The following TMTC2 variants were observed in gnomAD, a reference collection of about 807,000 sequenced individuals.
TMTC2 encodes protein O-mannosyl-transferase TMTC2.
TMTC2 carries 43 observed loss-of-function variants against 82.4 expected under a neutral mutation model. That is an observed-to-expected ratio of 0.52 (90% CI 0.41 to 0.67). TMTC2 has a LOEUF of 0.67. Among genes scored for constraint, TMTC2 ranks in the 30% least tolerant of loss-of-function variants. The pLI is 0.00. For synonymous variants in TMTC2, 408 were observed against 381.9 expected (o/e 1.07, Z -0.80); for missense variants, 919 against 1,012.4 (o/e 0.91, Z 1.25).
At chr12:82,898,771 G>A (rs1873809302) in intron 3 of TMTC2, among the ~76,000 whole-genome samples, 2 of 152,296 alleles carry the variant, frequency 1.3e-5, no homozygotes, top group Admixed American at 1.3e-4. Context: ...CTTGTTCACA[G>A]ACCACTGGGC....
intron 1 of TMTC2, among the ~76,000 whole-genome samples, chr12:82,791,627 TA>T (rs1161561882): frequency 6.6e-6 from 1 of 152,164 alleles, no homozygotes; most frequent in Non-Finnish European, 1.5e-5. Context: ...CTTTTCTACT[TA>T]AAAACCTCTG....
chr12:83,034,516 C>T (rs1881585204), intron 9 of TMTC2, among the ~76,000 whole-genome samples: 1 of 151,940 alleles, frequency 6.6e-6, no homozygotes, highest in African/African-American at 2.4e-5. Context: ...CCGGAAGGGA[C>T]CATGTGGAGA....
Position 82,923,503 on chromosome 12 carries a change from T to C in TMTC2, c.1484-6928T>C, listed in dbSNP as rs143007078. The stretch of plus-strand genomic sequence containing the variant: ...GTCCTTTTTGAAGTACCCAAATCCA[T>C]TAATTTTTTTTTTACATTTCAAATG... On this transcript the variant is annotated intron_variant, in intron 3 of 11. Transcript: ENST00000321196. Among the ~76,000 whole-genome samples, 419 of 152,224 alleles carry C rather than the reference T, an allele frequency of 2.8e-3. 3 individuals are homozygous for C. The highest frequency in any genetic ancestry group is 6.8e-3 in the Middle Eastern group (2 of 294).
At chr12:82,895,749 T>A in intron 2 of TMTC2, 69 bp from the exon 3 acceptor site, 1 of 1,346,346 alleles carries the variant, frequency 7.4e-7, no homozygotes, top group Non-Finnish European at 1.0e-6. Context: ...ATTTTATCTC[T>A]AAGTGTTAAG....
intron 4 of TMTC2, among the ~76,000 whole-genome samples, chr12:82,949,146 T>G (rs1048784123): frequency 6.6e-6 from 1 of 152,210 alleles, no homozygotes; most frequent in African/African-American, 2.4e-5. Flanking sequence ...TCCTCTGCAG[T>G]GGTTACACAC....
At chr12:82,764,223 C>T (rs144599839) in intron 1 of TMTC2, among the ~76,000 whole-genome samples, 73 of 152,182 alleles carry the variant, frequency 4.8e-4, no homozygotes, top group African/African-American at 1.6e-3. Context: ...CTGCAACCTC[C>T]GCCTCCCGGG....
At chr12:82,927,895 A>T (rs1875816314) in intron 3 of TMTC2, among the ~76,000 whole-genome samples, 1 of 152,204 alleles carries the variant, frequency 6.6e-6, no homozygotes, top group Admixed American at 6.5e-5. Context: ...ATTAGACAAC[A>T]TTATTGTGTA....
chr12:82,839,910 T>G (rs962813861), intron 1 of TMTC2, among the ~76,000 whole-genome samples: 1 of 152,232 alleles, frequency 6.6e-6, no homozygotes, highest in African/African-American at 2.4e-5. Context: ...ATCATTCTTG[T>G]GCTCTTAGAT....
chr12:82,972,964 G>C (rs1878512909), intron 7 of TMTC2, among the ~76,000 whole-genome samples: 2 of 152,094 alleles, frequency 1.3e-5, no homozygotes, highest in Admixed American at 1.3e-4. Context: ...GTAAATTTTT[G>C]ACATGATGGT....
At chr12:82,701,173 A>G (rs1409602837) in intron 1 of TMTC2, among the ~76,000 whole-genome samples, 4 of 152,166 alleles carry the variant, frequency 2.6e-5, no homozygotes, top group Admixed American at 2.0e-4. Context: ...GTATTGTAAG[A>G]ATGATTCTAT....
At chr12:82,775,760 C>A (rs570567247) in intron 1 of TMTC2, among the ~76,000 whole-genome samples, 1 of 152,136 alleles carries the variant, frequency 6.6e-6, no homozygotes, top group South Asian at 2.1e-4. Context: ...GCTCATATTT[C>A]TTCCATTTTC....
intron 3 of TMTC2, among the ~76,000 whole-genome samples, chr12:82,899,829 A>AAT (rs1328218564): frequency 1.4e-5 from 2 of 145,406 alleles, no homozygotes; most frequent in South Asian, 2.1e-4. Context: ...TAGATATAGG[A>AAT]ATATATATAC....
intron 7 of TMTC2, among the ~76,000 whole-genome samples, chr12:82,974,837 C>T (rs2137318649): frequency 6.6e-6 from 1 of 152,230 alleles, no homozygotes; most frequent in East Asian, 1.9e-4. Context: ...CCCAGCAAGA[C>T]CTGTCTGTTC....
intron 1 of TMTC2, among the ~76,000 whole-genome samples, chr12:82,763,816 A>G (rs541157095): frequency 6.6e-6 from 1 of 152,348 alleles, no homozygotes; most frequent in East Asian, 1.9e-4. Flanking sequence ...GCAGAAACCC[A>G]AGGGACAAAT....
At chr12:82,773,363 A>G (rs1478740950) in intron 1 of TMTC2, among the ~76,000 whole-genome samples, 1 of 152,216 alleles carries the variant, frequency 6.6e-6, no homozygotes, top group Non-Finnish European at 1.5e-5. Context: ...AATATTACTC[A>G]GACTGTTGGA....
chr12:82,959,559 A>G (rs1397753200), intron 4 of TMTC2, among the ~76,000 whole-genome samples: 1 of 152,176 alleles, frequency 6.6e-6, no homozygotes, highest in Non-Finnish European at 1.5e-5. Context: ...ATTTGACCAA[A>G]GTAAGCAATG....
intron 8 of TMTC2, among the ~76,000 whole-genome samples, chr12:83,003,835 G>A (rs1027937794): frequency 2.0e-5 from 3 of 151,964 alleles, no homozygotes; most frequent in Admixed American, 6.6e-5. Context: ...CCTGATGACT[G>A]TGTCTTGGGG....
chr12:82,702,784 C>T (rs908072856), intron 1 of TMTC2, among the ~76,000 whole-genome samples: 14 of 151,960 alleles, frequency 9.2e-5, no homozygotes, highest in Admixed American at 4.6e-4. Context: ...ATAGCTGAGG[C>T]AGGAGGATCA....
chr12:82,699,824 C>G (rs567317442), intron 1 of TMTC2, among the ~76,000 whole-genome samples: 2 of 152,238 alleles, frequency 1.3e-5, no homozygotes, highest in East Asian at 3.9e-4. Flanking sequence ...ACTATTATAG[C>G]CAGCCCTCCA....
Sources: gnomAD v4.1 joint callset for allele counts (sites outside exome capture counted in the v4.1 genomes callset) on GRCh38, gnomAD v4.1.1 for gene constraint, MANE v1.5 for transcripts, NCBI Gene and HGNC (gene_info 2026-07-23, HGNC 2026-07-21) for gene names.